RAD51B: variants seen among roughly 807,000 people sequenced by gnomAD.
The protein encoded by RAD51B is DNA repair protein RAD51 homolog 2.
In RAD51B, 38 loss-of-function variants were observed where a neutral mutation model predicts 42.2. That is an observed-to-expected ratio of 0.90 (90% confidence interval 0.70 to 1.18). The LOEUF is 1.18. Among genes scored for constraint, RAD51B ranks in the 50% most tolerant of loss-of-function variants. The pLI is 0.00. For synonymous variants in RAD51B, 154 were observed against 145.2 expected, an observed-to-expected ratio of 1.06 and a Z score of -0.43; for missense variants, 373 against 400.7, an observed-to-expected ratio of 0.93 and a Z score of 0.59.
At chr14:68,515,245 C>T (rs1463732923) in intron 10 of RAD51B, among the ~76,000 whole-genome samples, 1 of 151,902 alleles carries the variant, frequency 6.6e-6, no homozygotes, top group Non-Finnish European at 1.5e-5. Context: ...AGTGTTAAAA[C>T]TCATAAGGGA....
At chr14:67,971,117 T>C (rs904540042) in intron 7 of RAD51B, among the ~76,000 whole-genome samples, 1 of 152,168 alleles carries the variant, frequency 6.6e-6, no homozygotes, top group South Asian at 2.1e-4. Flanking sequence ...AATGAACTGT[T>C]CATGTTTATG....
At chr14:68,627,593 C>T (rs1892117561) in intron 10 of RAD51B, among the ~76,000 whole-genome samples, 1 of 152,146 alleles carries the variant, frequency 6.6e-6, no homozygotes, top group Non-Finnish European at 1.5e-5. Context: ...ATAATTCAAG[C>T]ACAATAACTC....
chr14:67,929,081 T>A (rs560835267), intron 7 of RAD51B, among the ~76,000 whole-genome samples: 2 of 152,146 alleles, frequency 1.3e-5, no homozygotes, highest in Non-Finnish European at 2.9e-5. Flanking sequence ...TTTTAGTCTC[T>A]ATTTCATTTA....
intron 10 of RAD51B, among the ~76,000 whole-genome samples, chr14:68,528,002 AT>A (rs1268418323): frequency 6.6e-6 from 1 of 152,108 alleles, no homozygotes; most frequent in African/African-American, 2.4e-5. Flanking sequence ...TTAAAACATT[AT>A]TTTTTTTAAA....
intron 9 of RAD51B, among the ~76,000 whole-genome samples, chr14:68,437,322 A>G (rs1373338626): frequency 2.0e-5 from 3 of 152,188 alleles, no homozygotes; most frequent in African/African-American, 4.8e-5. Context: ...ATCGATTTGC[A>G]TATGTTGAAC....
chr14:68,482,914 T>C (rs193290514), downstream of RAD51B, among the ~76,000 whole-genome samples: 2 of 152,316 alleles, frequency 1.3e-5, no homozygotes, highest in African/African-American at 2.4e-5. Context: ...TCTCAGTGAC[T>C]TGCAAAATCC....
At chr14:68,442,371 G>A (rs1053707096) in intron 9 of RAD51B, among the ~76,000 whole-genome samples, 3 of 148,486 alleles carry the variant, frequency 2.0e-5, no homozygotes, top group Admixed American at 2.0e-4. Flanking sequence ...GCATCTGAGA[G>A]AGTTACTGAA....
intron 7 of RAD51B, among the ~76,000 whole-genome samples, chr14:68,002,733 A>G (rs1384196514): frequency 6.6e-6 from 1 of 151,958 alleles, no homozygotes; most frequent in Non-Finnish European, 1.5e-5. Context: ...TCCAGTTTCA[A>G]TTTTCTGCAT....
Position 68,639,303 on chromosome 14 carries a change from G to C in RAD51B, c.1037-11478G>C, listed in dbSNP as rs79424239. On this transcript the variant is annotated intron_variant, in intron 10 of 11. Transcript: ENST00000488612. ...AATTCAAGAATCCTGAGTGAGGGGG[G>C]CTCTGCTGTCTTCAACATGTGGCTC... Among the ~76,000 whole-genome samples the C allele has an allele frequency of 8.1e-3, 1,239 of 152,318 alleles. 16 individuals carry two copies. The highest frequency in any genetic ancestry group is 0.028 in the African/African-American group (1,161 of 41,564).
At chr14:68,570,738 C>G (rs1469891517) in intron 10 of RAD51B, among the ~76,000 whole-genome samples, 1 of 152,188 alleles carries the variant, frequency 6.6e-6, no homozygotes, top group Non-Finnish European at 1.5e-5. Context: ...CAGGCCCTTC[C>G]CTCAAAGAAG....
chr14:67,941,424 G>T (rs1212824713), intron 7 of RAD51B, among the ~76,000 whole-genome samples: 1 of 152,160 alleles, frequency 6.6e-6, no homozygotes, highest in Non-Finnish European at 1.5e-5. Context: ...GGCATAGGGG[G>T]AAGATTTTGC....
chr14:68,277,072 A>G (rs1417535946), intron 7 of RAD51B, among the ~76,000 whole-genome samples: 1 of 152,154 alleles, frequency 6.6e-6, no homozygotes, highest in Non-Finnish European at 1.5e-5. Context: ...CCTCCTTGCA[A>G]TCTCACTCTG....
intron 8 of RAD51B, among the ~76,000 whole-genome samples, chr14:68,380,085 T>C (rs1304136824): frequency 6.6e-6 from 1 of 152,236 alleles, no homozygotes; most frequent in Non-Finnish European, 1.5e-5. Context: ...CCCAGGCTTT[T>C]ATTTTGCTGT....
At chr14:67,928,779 A>G (rs972844423) in intron 7 of RAD51B, among the ~76,000 whole-genome samples, 2 of 150,430 alleles carry the variant, frequency 1.3e-5, no homozygotes, top group African/African-American at 4.9e-5. Flanking sequence ...CTTACAGGAA[A>G]ATTTCCACCG....
At chr14:68,375,302 G>A (rs532960007) in intron 8 of RAD51B, among the ~76,000 whole-genome samples, 1 of 152,220 alleles carries the variant, frequency 6.6e-6, no homozygotes, top group Non-Finnish European at 1.5e-5. Flanking sequence ...GAGCTCTGGA[G>A]TTGTGGTTTC....
At chr14:67,969,966 T>C (rs1043351133) in intron 7 of RAD51B, among the ~76,000 whole-genome samples, 4 of 152,214 alleles carry the variant, frequency 2.6e-5, no homozygotes, top group African/African-American at 9.7e-5. Flanking sequence ...TTGCACTTAC[T>C]GTCTGCTTTT....
chr14:68,457,580 A>G (rs1242840842), intron 9 of RAD51B, among the ~76,000 whole-genome samples: 2 of 152,108 alleles, frequency 1.3e-5, no homozygotes, highest in African/African-American at 4.8e-5. Context: ...TGATTGTGGT[A>G]TAATTCAGGA....
chr14:68,115,179 A>G (rs1340792250), intron 7 of RAD51B, among the ~76,000 whole-genome samples: 3 of 136,880 alleles, frequency 2.2e-5, no homozygotes, highest in Non-Finnish European at 4.5e-5. Flanking sequence ...GATTAAGAAA[A>G]TGTGGCACAT....
At chr14:68,373,128 AC>A (rs2139957874) in intron 8 of RAD51B, among the ~76,000 whole-genome samples, 1 of 152,380 alleles carries the variant, frequency 6.6e-6, no homozygotes, top group African/African-American at 2.4e-5. Context: ...TGCAAGTAGT[AC>A]TATAGTAATT....
Sources: gnomAD v4.1 joint callset for allele counts (sites outside exome capture counted in the v4.1 genomes callset) on GRCh38, gnomAD v4.1.1 for gene constraint, MANE v1.5 for transcripts, NCBI Gene and HGNC (gene_info 2026-07-23, HGNC 2026-07-21) for gene names.